The following EXOSC4 variants were observed in gnomAD, a reference collection of about 807,000 sequenced individuals.
EXOSC4 encodes exosome complex component RRP41.
Under a neutral mutation model 20.0 loss-of-function variants are expected in EXOSC4, and 14 were observed. The observed-to-expected ratio is 0.70, with a 90% confidence interval of 0.46 to 1.09. EXOSC4 has a LOEUF of 1.09. Ranked by LOEUF, EXOSC4 falls within the 50% of genes least tolerant of loss-of-function variation. The pLI is 0.00. For synonymous variants in EXOSC4, 148 were observed against 146.4 expected (o/e 1.01, Z -0.08); for missense variants, 337 against 334.0 (o/e 1.01, Z -0.07).
chr8:144,071,626 A>T, the EXOSC4 span, among the ~76,000 whole-genome samples: 1 of 151,428 alleles, frequency 6.6e-6, no homozygotes, highest in Non-Finnish European at 1.5e-5. Context: ...AAAAATGATG[A>T]GACATGCAAA....
the EXOSC4 span, among the ~76,000 whole-genome samples, chr8:144,067,730 G>T: frequency 6.6e-6 from 1 of 152,338 alleles, no homozygotes; most frequent in African/African-American, 2.4e-5. Context: ...TGTGTTGGCC[G>T]GGCACAGTGG....
At chr8:144,068,297 C>T in the EXOSC4 span, among the ~76,000 whole-genome samples, 12 of 152,310 alleles carry the variant, frequency 7.9e-5, no homozygotes, top group Admixed American at 6.5e-4. Context: ...TGACTTCTGA[C>T]TGGAGGCTAC....
chr8:144,079,902 TGGAA>T (rs1406181777), intron 1 of EXOSC4, 37 bp from the exon 2 acceptor site: 1 of 1,591,536 alleles, frequency 6.3e-7, no homozygotes, highest in Non-Finnish European at 8.6e-7. Flanking sequence ...GAGTGTGAGC[TGGAA>T]GGAGTGGGCC....
upstream of EXOSC4, among the ~76,000 whole-genome samples, chr8:144,074,074 A>G (rs1554762460): frequency 6.6e-6 from 1 of 152,218 alleles, no homozygotes; most frequent in East Asian, 1.9e-4. Context: ...GCGCTCGAGA[A>G]ACAGGCTCAC....
the EXOSC4 span, among the ~76,000 whole-genome samples, chr8:144,071,008 C>CATT: frequency 4.9e-3 from 746 of 152,030 alleles, 6 homozygotes; most frequent in African/African-American, 0.017. Context: ...GGAGCAGAGA[C>CATT]AGAAGCTACA....
the EXOSC4 span, among the ~76,000 whole-genome samples, chr8:144,068,711 C>T: frequency 4.6e-5 from 7 of 152,356 alleles, no homozygotes; most frequent in South Asian, 1.4e-3. Flanking sequence ...GCTCAGCCTG[C>T]TTCCCCCGGT....
chr8:144,078,509 C>G (rs1365376094), upstream of EXOSC4: 1 of 419,524 alleles, frequency 2.4e-6, no homozygotes. This position sits in a 1 kb window ranked among gnomAD's most constrained non-coding sequence, Gnocchi z 4.7. Context: ...AGGTCGGGGC[C>G]GCGGTGAACT....
At chr8:144,064,840 CTT>C in the EXOSC4 span, among the ~76,000 whole-genome samples, 14 of 136,652 alleles carry the variant, frequency 1.0e-4, no homozygotes, top group Non-Finnish European at 1.1e-4. Context: ...TCCAATCTGT[CTT>C]TTTTTTTTTT....
Position 144,080,298 on chromosome 8 carries a change from A to C in EXOSC4, c.435A>C (p.Ala145=). ...CTTGTGTGAATGCAGCCACGCTGGC[A>C]GTGCTGGATGCCGGGATACCCATGA... ...YAACVNAATL[A]VLDAGIPMRD... is the part of the protein sequence containing the mutation. Residue 145 remains alanine (A), a synonymous_variant, in exon 3 of 3, where the codon GCA becomes GCC. Coordinates refer to ENST00000316052, the MANE Select transcript of EXOSC4 (RefSeq NM_019037.3). The surrounding 1 kb of genome is among the most constrained non-coding windows in gnomAD (Gnocchi z 4.9). 6.2e-7 allele frequency: 1 copy of C among 1,613,898 alleles called. No homozygotes were observed. Among genetic ancestry groups the C allele is most frequent in the Non-Finnish European group, 8.5e-7 (1 of 1,180,044 alleles).
upstream of EXOSC4, among the ~76,000 whole-genome samples, chr8:144,074,959 T>C (rs1480086102): frequency 6.6e-6 from 1 of 152,210 alleles, no homozygotes; most frequent in Non-Finnish European, 1.5e-5. Flanking sequence ...AATGTACATA[T>C]TACCCAAAGG....
At chr8:144,074,376 G>A (rs148012206), upstream of EXOSC4, among the ~76,000 whole-genome samples, 142 of 152,172 alleles carry the variant, frequency 9.3e-4, 1 homozygote, top group African/African-American at 2.8e-3. Flanking sequence ...GTCACTTCCC[G>A]ATACAGTTAT....
At position 144,079,675 on chromosome 8, in the gene EXOSC4, G is replaced by T. The variant is rs529191294; in HGVS notation, c.172-268G>T. The T allele has an allele frequency of 4.7e-6, 3 of 634,298 alleles. No homozygotes were observed. The African/African-American group carries it at 5.4e-5, about 11-fold the overall frequency. The allele number at this position is 634,298 out of a possible 1,614,324, so 39.3% of individuals were successfully genotyped here. ...CCTTTGTAAGGTAGTTAGGATTTGAGTGTGTAGGTGAGACAGAAGCAGCGT... is the reference window on the plus strand; with the variant it reads ...CCTTTGTAAGGTAGTTAGGATTTGATTGTGTAGGTGAGACAGAAGCAGCGT... On this transcript the variant is annotated intron_variant, in intron 1 of 2. Transcript: ENST00000316052.
chr8:144,079,491 G>A (rs1463998966), intron 1 of EXOSC4: 11 of 344,288 alleles, frequency 3.2e-5, no homozygotes, highest in African/African-American at 2.1e-4. Flanking sequence ...AGACCACGGT[G>A]GTGAAAACAA....
chr8:144,068,235 C>T, the EXOSC4 span, among the ~76,000 whole-genome samples: 1 of 152,306 alleles, frequency 6.6e-6, no homozygotes, highest in Admixed American at 6.5e-5. Flanking sequence ...TTGGCCACTC[C>T]CTTCAGCATA....
At position 144,080,505 on chromosome 8, in the gene EXOSC4, G is replaced by T; in HGVS notation, c.642G>T (p.Leu214Phe). ...ACGAGGACCACCTGGAGCGGGTGTT[G>T]GAGGCTGCTGCCCAGGCTGCCCGAG... The part of the protein sequence containing the change: ...RLHEDHLERV[L>F]EAAAQAARDV... Residue 214 changes from leucine (L) to phenylalanine (F), a missense_variant, in exon 3 of 3, where the codon TTG becomes TTT. By Grantham distance (22) the Leu-to-Phe change is conservative. Coordinates refer to ENST00000316052, the MANE Select transcript of EXOSC4 (RefSeq NM_019037.3). This position sits in a 1 kb window ranked among gnomAD's most constrained non-coding sequence, Gnocchi z 4.9. 6.2e-7 allele frequency: 1 copy of T among 1,605,522 alleles called. No individual in the cohort carries two copies.
chr8:144,070,637 A>C, the EXOSC4 span, among the ~76,000 whole-genome samples: 1 of 151,880 alleles, frequency 6.6e-6, no homozygotes, highest in African/African-American at 2.4e-5. Context: ...GACCAGCCTG[A>C]CCAAAATGAT....
At chr8:144,073,398 C>T in the EXOSC4 span, among the ~76,000 whole-genome samples, 1 of 151,924 alleles carries the variant, frequency 6.6e-6, no homozygotes, top group Non-Finnish European at 1.5e-5. Flanking sequence ...AAAACAATAA[C>T]AAAGACCTCA....
chr8:144,066,583 A>C, the EXOSC4 span, among the ~76,000 whole-genome samples: 3 of 151,654 alleles, frequency 2.0e-5, no homozygotes, highest in East Asian at 5.9e-4. Context: ...CTGGGACTAC[A>C]GGTGTGTGCC....
chr8:144,080,230 G>A lies in EXOSC4; in HGVS notation c.379-12G>A. The A allele has an allele frequency of 6.2e-7, 1 of 1,611,748 alleles. No individual in the cohort carries two copies. The highest frequency in any genetic ancestry group is 8.5e-7 in the Non-Finnish European group (1 of 1,178,420). ...GGGAGTCTGATAGACTGACACCCTGGGTTCCCTGCAGGTGCTACAGGCAGA... is the reference window on the plus strand; with the variant it reads ...GGGAGTCTGATAGACTGACACCCTGAGTTCCCTGCAGGTGCTACAGGCAGA... On this transcript the variant is annotated splice_polypyrimidine_tract_variant and intron_variant, in intron 2 of 2. Coordinates refer to ENST00000316052, the MANE Select transcript of EXOSC4 (RefSeq NM_019037.3). The surrounding 1 kb of genome is among the most constrained non-coding windows in gnomAD (Gnocchi z 4.9).
Sources: gnomAD v4.1 joint callset for allele counts (sites outside exome capture counted in the v4.1 genomes callset) on GRCh38, gnomAD v4.1.1 for gene constraint, Gnocchi (gnomAD v3.1) non-coding constraint, MANE v1.5 for transcripts, NCBI Gene and HGNC (gene_info 2026-07-23, HGNC 2026-07-21) for gene names.